Variants in MBTD1 observed in about 807,000 individuals in gnomAD.
MBTD1 encodes the protein MBT domain-containing protein 1.
Under a neutral mutation model 87.8 loss-of-function variants are expected in MBTD1, and 24 were observed. The observed-to-expected ratio is 0.27, with a 90% CI of 0.20 to 0.38. The LOEUF is 0.38. Ranked by LOEUF, MBTD1 falls within the 10% of genes least tolerant of loss-of-function variation. MBTD1 has a pLI of 1.00. For missense variants in MBTD1, 436 were observed against 760.2 expected (o/e 0.57, Z 5.02); for synonymous variants, 237 against 248.6 (o/e 0.95, Z 0.44).
intron 2 of MBTD1, among the ~76,000 whole-genome samples, chr17:51,243,463 G>A (rs994535009): frequency 2.6e-5 from 4 of 152,000 alleles, no homozygotes; most frequent in Admixed American, 6.6e-5. Flanking sequence ...TGAAAGTTAC[G>A]TATCACAAAA....
chr17:51,215,939 T>C (rs1174735207), intron 6 of MBTD1, among the ~76,000 whole-genome samples: 1 of 148,150 alleles, frequency 6.7e-6, no homozygotes, highest in Non-Finnish European at 1.5e-5. Flanking sequence ...TTTTTTTTTT[T>C]TTTTTTTTTT....
At chr17:51,208,486 A>C (rs892842239) in intron 6 of MBTD1, among the ~76,000 whole-genome samples, 1 of 152,236 alleles carries the variant, frequency 6.6e-6, no homozygotes, top group Non-Finnish European at 1.5e-5. Flanking sequence ...TATTGCCAGC[A>C]GATATGATTA....
rs554496985 is a variant in MBTD1 at position 51,226,441 on chromosome 17, T to G, written c.-48-1232A>C. Among the ~76,000 whole-genome samples, 258 of 151,270 alleles carry G rather than the reference T, an allele frequency of 1.7e-3. 1 individual carries two copies. Among genetic ancestry groups the G allele is most frequent in the South Asian group, 3.6e-3 (17 of 4,750 alleles). On this transcript the variant is annotated intron_variant, in intron 2 of 16. Coordinates refer to ENST00000586178, the MANE Select transcript of MBTD1 (RefSeq NM_017643.3). ...TCACTAGAGCCTGGGAGGTGGAGGT[T>G]GCAGTGAGTTGAGATCATGCCACTG... is the stretch of plus-strand genomic sequence containing the variant.
At chr17:51,229,276 T>C (rs887698829) in intron 2 of MBTD1, among the ~76,000 whole-genome samples, 1 of 152,214 alleles carries the variant, frequency 6.6e-6, no homozygotes, top group South Asian at 2.1e-4. Context: ...ACCTATCCTT[T>C]TTCTTTTGCT....
chr17:51,206,301 T>C (rs1214658366), intron 7 of MBTD1, among the ~76,000 whole-genome samples: 1 of 152,168 alleles, frequency 6.6e-6, no homozygotes, highest in African/African-American at 2.4e-5. Flanking sequence ...GGAGAATGGG[T>C]CTCGCTATTT....
intron 2 of MBTD1, among the ~76,000 whole-genome samples, chr17:51,242,303 T>C (rs2054203877): frequency 6.6e-6 from 1 of 152,216 alleles, no homozygotes; most frequent in Admixed American, 6.5e-5. Flanking sequence ...CAGGGTTTTT[T>C]TCTCACTTTC....
chr17:51,256,390 A>G (rs1470595337), intron 2 of MBTD1: 2 of 152,240 alleles, frequency 1.3e-5, no homozygotes, highest in Admixed American at 1.3e-4. Flanking sequence ...TATCAGTGCT[A>G]AAGTGAGAAC....
rs2051202185 is a variant in MBTD1 at position 51,197,511 on chromosome 17, T to TTTTC, written c.1225-2154_1225-2151dup. On this transcript the variant is annotated intron_variant, in intron 12 of 16. Transcript: ENST00000586178. The stretch of plus-strand genomic sequence containing the variant: ...CTGCTACTTGCTCACTACTCTTAAT[T>TTTTC]TTTCTTTTCTTTTTTTTTTTTTTTG... Among the ~76,000 whole-genome samples, 13 of 151,746 alleles carry TTTTC rather than the reference T, an allele frequency of 8.6e-5. No individual in the cohort carries two copies. In the South Asian group the frequency reaches 2.5e-3, roughly 29 times the overall value.
chr17:51,224,246 T>G (rs997491751), intron 3 of MBTD1, among the ~76,000 whole-genome samples: 4 of 152,186 alleles, frequency 2.6e-5, no homozygotes, highest in Non-Finnish European at 5.9e-5. Flanking sequence ...GACCAGGATA[T>G]CAAAGAATTA....
In MBTD1 at chr17:51,177,981, C is replaced by A. The variant is rs1598260244; in HGVS notation, c.*2595G>T. 6.6e-6 allele frequency: 1 copy of A among 152,016 alleles called. No individual in the cohort carries two copies. The highest frequency in any genetic ancestry group is 2.1e-4 in the South Asian group (1 of 4,820). The allele number at this position is 152,016 out of a possible 1,614,324, so 9.4% of individuals were successfully genotyped here. On this transcript the variant is annotated 3_prime_UTR_variant, in exon 17 of 17. Transcript: ENST00000586178. The stretch of plus-strand genomic sequence containing the variant: ...AATAAAAACAAACAAACACTGAAAA[C>A]CCGTGTTAGTATCGTAGAATAAGAA...
intron 7 of MBTD1, among the ~76,000 whole-genome samples, chr17:51,205,909 G>C (rs925989661): frequency 3.3e-5 from 5 of 152,166 alleles, no homozygotes; most frequent in Non-Finnish European, 5.9e-5. Flanking sequence ...AAACTAGAGA[G>C]AGTGGGAGGA....
At chr17:51,236,404 C>T (rs181540988) in intron 2 of MBTD1, among the ~76,000 whole-genome samples, 83 of 152,216 alleles carry the variant, frequency 5.5e-4, no homozygotes, top group African/African-American at 2.0e-3. Flanking sequence ...TGCCACTATG[C>T]CTAGCTAATT....
At chr17:51,260,635 G>A (rs1409372643), upstream of MBTD1, 1 of 1,612,598 alleles carries the variant, frequency 6.2e-7, no homozygotes, top group Non-Finnish European at 8.5e-7. Context: ...GAACCGGAGC[G>A]AAGCCGAAGC....
chr17:51,247,740 G>A (rs959488474), intron 2 of MBTD1, among the ~76,000 whole-genome samples: 19 of 152,136 alleles, frequency 1.2e-4, no homozygotes, highest in African/African-American at 4.6e-4. Context: ...GTGAGCCACT[G>A]CACACAGTCC....
intron 11 of MBTD1, 93 bp downstream of exon 11, chr17:51,201,929 T>C: frequency 3.5e-6 from 3 of 860,378 alleles, no homozygotes; most frequent in Admixed American, 2.0e-5. Context: ...TAAGTGAACA[T>C]ATGTAATTGT....
chr17:51,203,992 A>G, intron 7 of MBTD1, 67 bp from the exon 8 acceptor site: 1 of 1,286,800 alleles, frequency 7.8e-7, no homozygotes, highest in Non-Finnish European at 1.1e-6. Context: ...ACAGCATCTG[A>G]TAGCAGTTGT....
chr17:51,244,424 C>A (rs998489142), intron 2 of MBTD1, among the ~76,000 whole-genome samples: 1 of 151,964 alleles, frequency 6.6e-6, no homozygotes, highest in Non-Finnish European at 1.5e-5. Flanking sequence ...CTTGTGTCCT[C>A]TTTTTTTTCC....
chr17:51,237,089 T>C (rs903134586), intron 2 of MBTD1, among the ~76,000 whole-genome samples: 7 of 151,784 alleles, frequency 4.6e-5, no homozygotes, highest in African/African-American at 7.3e-5. Context: ...CTGAGGTCAG[T>C]AGTTCAAGAC....
intron 2 of MBTD1, among the ~76,000 whole-genome samples, chr17:51,252,825 T>C (rs2054869926): frequency 1.3e-5 from 2 of 152,228 alleles, no homozygotes; most frequent in South Asian, 4.1e-4. Context: ...GGAATGATTG[T>C]AGGTAGGTAA....
Sources: gnomAD v4.1 joint callset for allele counts (sites outside exome capture counted in the v4.1 genomes callset) on GRCh38, gnomAD v4.1.1 for gene constraint, MANE v1.5 for transcripts, NCBI Gene and HGNC (gene_info 2026-07-23, HGNC 2026-07-21) for gene names.